ARHGAP26: variants seen among roughly 807,000 people sequenced by gnomAD.
ARHGAP26 encodes the protein rho GTPase-activating protein 26.
A neutral mutation model predicts 104.8 loss-of-function variants in ARHGAP26; 38 were observed. The observed-to-expected ratio is 0.36, with a 90% CI of 0.28 to 0.48. The LOEUF (loss-of-function observed/expected upper bound fraction) is 0.48, where lower values mean the gene tolerates loss of function less well. Ranked by LOEUF, ARHGAP26 falls within the 20% of genes least tolerant of loss-of-function variation. The probability of loss-of-function intolerance (pLI) is 0.99; values close to 1 mark genes in which losing one functional copy is unlikely to be tolerated. For missense variants in ARHGAP26, 704 were observed against 947.9 expected (o/e 0.74, Z 3.38); for synonymous variants, 341 against 340.0 (o/e 1.00, Z -0.03).
chr5:143,065,463 A>G (rs187500342), intron 17 of ARHGAP26, among the ~76,000 whole-genome samples: 4 of 152,210 alleles, frequency 2.6e-5, no homozygotes, highest in Admixed American at 6.5e-5. Context: ...AAGTTAATCC[A>G]TGGGGCATAA....
At chr5:143,148,088 A>C (rs560738206) in intron 20 of ARHGAP26, among the ~76,000 whole-genome samples, 1 of 152,156 alleles carries the variant, frequency 6.6e-6, no homozygotes, top group Non-Finnish European at 1.5e-5. Context: ...AATCTTGTCA[A>C]CTAGCGCCTT....
chr5:142,819,726 A>T (rs552983094), intron 1 of ARHGAP26, among the ~76,000 whole-genome samples: 1 of 152,362 alleles, frequency 6.6e-6, no homozygotes, highest in East Asian at 1.9e-4. Context: ...ATAACTAAGG[A>T]TCAAACCCAC....
At chr5:143,197,323 A>T (rs986611627) in intron 20 of ARHGAP26, among the ~76,000 whole-genome samples, 1 of 152,120 alleles carries the variant, frequency 6.6e-6, no homozygotes, top group Non-Finnish European at 1.5e-5. Flanking sequence ...AGCAATTTAC[A>T]CCCCTCCTGC....
In ARHGAP26 at chr5:142,901,969, A is replaced by C; in HGVS notation, c.632A>C (p.Tyr211Ser). Residue 211 changes from tyrosine (Y) to serine (S), a missense_variant, in exon 7 of 23, where the codon TAT becomes TCT. Physicochemically the swap from Tyr to Ser is moderately radical, Grantham distance 144. Coordinates refer to ENST00000645722, the MANE Select transcript of ARHGAP26 (RefSeq NM_001135608.3). Reference protein sequence around the residue: ...LAFLQGLFTFYHHGYELAKDF... With the variant: ...LAFLQGLFTFSHHGYELAKDF... ...TTCCTGCAAGGACTCTTCACTTTCT[A>C]TCACCATGGTTACGAACTGGCCAAG... 3 of 1,613,970 alleles carry C rather than the reference A, an allele frequency of 1.9e-6. No individual in the cohort carries two copies. Among genetic ancestry groups the C allele is most frequent in the Non-Finnish European group, 2.5e-6 (3 of 1,179,896 alleles).
intron 1 of ARHGAP26, among the ~76,000 whole-genome samples, chr5:142,800,450 A>G (rs937915633): frequency 2.0e-5 from 3 of 150,226 alleles, no homozygotes; most frequent in Non-Finnish European, 4.4e-5. Context: ...GCTTACTGCA[A>G]CCTCCGGGTT....
chr5:142,910,279 T>G (rs779065859), intron 9 of ARHGAP26, among the ~76,000 whole-genome samples: 19 of 152,186 alleles, frequency 1.2e-4, no homozygotes, highest in Admixed American at 3.3e-4. Context: ...GCTCAAACGC[T>G]CTTTCCACAG....
In ARHGAP26 at chr5:143,000,344, T is replaced by C. The variant is rs149266010; in HGVS notation, c.1108-13736T>C. On this transcript the variant is annotated intron_variant, in intron 11 of 22. Coordinates refer to ENST00000645722, the MANE Select transcript of ARHGAP26 (RefSeq NM_001135608.3). ...TGTACAAAAACCTTTGGACCAGCTT[T>C]ATGATAGCTACAGACAGGGAACCAC... is the stretch of plus-strand genomic sequence containing the variant. Among the ~76,000 whole-genome samples the C allele has an allele frequency of 4.5e-3, 691 of 152,358 alleles. 5 individuals are homozygous for C. Among genetic ancestry groups the C allele is most frequent in the African/African-American group, 0.016 (671 of 41,582 alleles).
chr5:142,976,267 G>C (rs376074209), intron 11 of ARHGAP26, among the ~76,000 whole-genome samples: 1 of 152,164 alleles, frequency 6.6e-6, no homozygotes, highest in Non-Finnish European at 1.5e-5. Context: ...TGAAATAGGA[G>C]TATGAAACCA....
chr5:143,109,499 G>T (rs993490100), intron 17 of ARHGAP26, among the ~76,000 whole-genome samples: 2 of 151,756 alleles, frequency 1.3e-5, no homozygotes, highest in Non-Finnish European at 2.9e-5. Context: ...CTCTCACCCA[G>T]GCTGGAGTGC....
intron 10 of ARHGAP26, among the ~76,000 whole-genome samples, chr5:142,928,016 C>T (rs13354474): frequency 0.13 from 20,323 of 152,088 alleles, 3,666 homozygotes; most frequent in African/African-American, 0.41. Context: ...TTTTTTCTTA[C>T]TCACTTGTAG....
At chr5:142,890,151 A>AATATATATATATATATAT (rs752591382) in intron 5 of ARHGAP26, among the ~76,000 whole-genome samples, 1 of 32,426 alleles carries the variant, frequency 3.1e-5, no homozygotes, top group Non-Finnish European at 5.5e-5. Context: ...AAAAAAAAAA[A>AATATATATATATATATAT]ATATATATAT....
intron 11 of ARHGAP26, among the ~76,000 whole-genome samples, chr5:142,950,085 A>G (rs1392354391): frequency 6.6e-6 from 1 of 152,206 alleles, no homozygotes; most frequent in Admixed American, 6.5e-5. Flanking sequence ...GTCTGCCTGC[A>G]TTTTGATCTT....
intron 12 of ARHGAP26, among the ~76,000 whole-genome samples, chr5:143,030,603 A>C (rs981115742): frequency 6.6e-6 from 1 of 152,096 alleles, no homozygotes; most frequent in Non-Finnish European, 1.5e-5. Context: ...TATCATCACA[A>C]AAAAAATGAG....
At chr5:142,805,392 A>T (rs432699) in intron 1 of ARHGAP26, among the ~76,000 whole-genome samples, 22 of 152,150 alleles carry the variant, frequency 1.4e-4, no homozygotes, top group African/African-American at 5.3e-4. Context: ...GTGACCCACC[A>T]CGCCTGGCCC....
intron 17 of ARHGAP26, 96 bp downstream of exon 17, chr5:143,057,843 C>A: frequency 9.9e-7 from 1 of 1,009,756 alleles, no homozygotes; most frequent in Non-Finnish European, 1.6e-6. Context: ...TTTCTCTCTC[C>A]CACTATTGCA....
chr5:142,943,295 G>T (rs574869042), intron 11 of ARHGAP26, among the ~76,000 whole-genome samples: 4 of 152,158 alleles, frequency 2.6e-5, no homozygotes, highest in Admixed American at 6.5e-5. Flanking sequence ...ATCCATTCAG[G>T]CTGCTATCAC....
chr5:143,130,619 C>T (rs1329567519), intron 18 of ARHGAP26, among the ~76,000 whole-genome samples: 1 of 152,164 alleles, frequency 6.6e-6, no homozygotes, highest in Non-Finnish European at 1.5e-5. Context: ...TGAAATCATC[C>T]CTTCCAAAAT....
intron 11 of ARHGAP26, among the ~76,000 whole-genome samples, chr5:142,939,588 C>G (rs935796019): frequency 3.3e-5 from 5 of 152,164 alleles, no homozygotes; most frequent in African/African-American, 1.2e-4. Context: ...AAAGAGTGAG[C>G]TGTGAAAAGT....
In ARHGAP26 at chr5:142,963,190, A is replaced by ATG. The variant is rs1180388142; in HGVS notation, c.1107+31066_1107+31067insGT. ...TATATATGTATATATATATATATAT[A>ATG]TATATATATGTGTGTGTGTGTGTGT... On this transcript the variant is annotated intron_variant, in intron 11 of 22. Coordinates refer to ENST00000645722, the MANE Select transcript of ARHGAP26 (RefSeq NM_001135608.3). 1.5e-4 allele frequency among the ~76,000 whole-genome samples: 15 copies of ATG among 100,492 alleles called. 1 individual carries two copies. Among genetic ancestry groups the ATG allele is most frequent in the African/African-American group, 7.2e-4 (10 of 13,800 alleles). The allele number at this position is 100,492 out of a possible 152,430, so 65.9% of individuals were successfully genotyped here. A position where few individuals can be genotyped will look rare whatever the true frequency, so the allele number is the denominator to read the frequency against.
Sources: allele counts gnomAD v4.1 joint callset (sites outside exome capture counted in the v4.1 genomes callset), GRCh38; gene constraint gnomAD v4.1.1; transcripts MANE v1.5; gene names NCBI Gene and HGNC (gene_info 2026-07-23, HGNC 2026-07-21).